EPHA5: variants seen among roughly 807,000 people sequenced by gnomAD.
The protein encoded by EPHA5 is ephrin type-A receptor 5.
EPHA5 carries 60 observed loss-of-function variants against 105.0 expected under a neutral mutation model. That is an observed-to-expected ratio of 0.57 (90% CI 0.46 to 0.71). EPHA5 has a LOEUF of 0.71. EPHA5 is among the 30% of genes least tolerant of loss of function. The probability of loss-of-function intolerance (pLI) is 0.00; values close to 1 mark genes in which losing one functional copy is unlikely to be tolerated. For synonymous variants in EPHA5, 513 were observed against 449.1 expected, an observed-to-expected ratio of 1.14 and a Z score of -1.80; for missense variants, 1,218 against 1,274.7, an observed-to-expected ratio of 0.96 and a Z score of 0.68.
intron 1 of EPHA5, among the ~76,000 whole-genome samples, chr4:65,645,717 G>T (rs184754495): frequency 6.6e-6 from 1 of 151,446 alleles, no homozygotes; most frequent in East Asian, 1.9e-4. Context: ...TCTCAATGTC[G>T]GAATACACTG....
At chr4:65,598,540 T>C (rs989507833) in intron 3 of EPHA5, among the ~76,000 whole-genome samples, 3 of 152,186 alleles carry the variant, frequency 2.0e-5, no homozygotes, top group African/African-American at 7.2e-5. Context: ...CATCAAGGTG[T>C]ATGTGGACTA....
intron 8 of EPHA5, among the ~76,000 whole-genome samples, chr4:65,390,676 A>G (rs1206644722): frequency 6.6e-6 from 1 of 152,074 alleles, no homozygotes; most frequent in African/African-American, 2.4e-5. Flanking sequence ...TATTTAAAAC[A>G]ACAGCAAGGA....
chr4:65,362,118 T>C (rs932821074), intron 11 of EPHA5, among the ~76,000 whole-genome samples: 7 of 151,626 alleles, frequency 4.6e-5, no homozygotes, highest in Admixed American at 4.0e-4. Context: ...TATCTATTTA[T>C]GATGGTTGCT....
At chr4:65,527,806 G>A (rs1484164856) in intron 3 of EPHA5, among the ~76,000 whole-genome samples, 1 of 151,984 alleles carries the variant, frequency 6.6e-6, no homozygotes, top group Non-Finnish European at 1.5e-5. Context: ...TAAGCCCGGT[G>A]TCCACTAATT....
intron 8 of EPHA5, among the ~76,000 whole-genome samples, chr4:65,384,826 C>T (rs1349059748): frequency 3.3e-5 from 5 of 151,860 alleles, no homozygotes; most frequent in Non-Finnish European, 7.4e-5. Flanking sequence ...TGTTGATATA[C>T]AACATACTGA....
At chr4:65,335,294 C>T (rs1721065341) in intron 15 of EPHA5, among the ~76,000 whole-genome samples, 1 of 151,874 alleles carries the variant, frequency 6.6e-6, no homozygotes, top group South Asian at 2.1e-4. Flanking sequence ...GCATGCTTTA[C>T]AAATATGAAA....
intron 3 of EPHA5, among the ~76,000 whole-genome samples, chr4:65,501,766 T>C (rs972357616): frequency 2.0e-5 from 3 of 151,364 alleles, no homozygotes; most frequent in Non-Finnish European, 4.4e-5. Context: ...AAAATTCATA[T>C]GGAAACAAAA....
chr4:65,578,021 G>C (rs949261657), intron 3 of EPHA5, among the ~76,000 whole-genome samples: 1 of 152,134 alleles, frequency 6.6e-6, no homozygotes, highest in Non-Finnish European at 1.5e-5. Context: ...GTGAATACAA[G>C]TTAATTATAA....
chr4:65,592,717 C>T lies in EPHA5; in HGVS notation c.910+8924G>A, dbSNP rs185687189. Among the ~76,000 whole-genome samples the T allele has an allele frequency of 8.6e-4, 131 of 152,216 alleles. 1 individual carries two copies. The highest frequency in any genetic ancestry group is 2.9e-3 in the African/African-American group (121 of 41,530). ...AAACACACATGAATTTCAAATGTTACAACACGTCTCAATCCTGGTTGCATA... is the reference window on the plus strand; with the variant it reads ...AAACACACATGAATTTCAAATGTTATAACACGTCTCAATCCTGGTTGCATA... On this transcript the variant is annotated intron_variant, in intron 3 of 16. Transcript: ENST00000613740.
At chr4:65,475,687 A>G (rs1176714564) in intron 5 of EPHA5, among the ~76,000 whole-genome samples, 3 of 152,210 alleles carry the variant, frequency 2.0e-5, no homozygotes, top group Non-Finnish European at 4.4e-5. Context: ...AGAATGATTG[A>G]ACAGTTCAAT....
intron 4 of EPHA5, among the ~76,000 whole-genome samples, chr4:65,492,327 G>A (rs1484997070): frequency 1.3e-5 from 2 of 151,436 alleles, no homozygotes; most frequent in Non-Finnish European, 2.9e-5. Context: ...TCAGCCTCCC[G>A]AGTAGCTGGA....
chr4:65,637,697 G>T (rs2149503493), intron 2 of EPHA5, among the ~76,000 whole-genome samples: 1 of 151,004 alleles, frequency 6.6e-6, no homozygotes, highest in Admixed American at 6.6e-5. Flanking sequence ...TTTACTGACT[G>T]CCAACACTGT....
At chr4:65,517,373 T>C (rs1734206279) in intron 3 of EPHA5, among the ~76,000 whole-genome samples, 1 of 151,878 alleles carries the variant, frequency 6.6e-6, no homozygotes, top group Non-Finnish European at 1.5e-5. Flanking sequence ...TTAAAATATG[T>C]TTCTTATAAA....
intron 11 of EPHA5, among the ~76,000 whole-genome samples, chr4:65,362,061 T>C (rs576131046): frequency 1.4e-4 from 22 of 151,760 alleles, no homozygotes; most frequent in African/African-American, 5.3e-4. Context: ...CCAAGAACTG[T>C]GGGCTTTTTT....
At chr4:65,334,934 A>T (rs1028271052) in intron 15 of EPHA5, among the ~76,000 whole-genome samples, 1 of 152,018 alleles carries the variant, frequency 6.6e-6, no homozygotes, top group Non-Finnish European at 1.5e-5. Flanking sequence ...AGGGAACAAC[A>T]TAAGGAATAA....
At chr4:65,511,833 A>G (rs1353409616) in intron 3 of EPHA5, among the ~76,000 whole-genome samples, 1 of 152,174 alleles carries the variant, frequency 6.6e-6, no homozygotes, top group Non-Finnish European at 1.5e-5. Context: ...AAGATAATTT[A>G]TTTCCAAATC....
chr4:65,358,627 A>G (rs2148873395), intron 11 of EPHA5, among the ~76,000 whole-genome samples: 2 of 151,764 alleles, frequency 1.3e-5, no homozygotes, highest in South Asian at 4.2e-4. Context: ...AAAACAAAAC[A>G]ACAAAGATAA....
chr4:65,618,445 T>A (rs1451023049), intron 2 of EPHA5, among the ~76,000 whole-genome samples: 1 of 152,192 alleles, frequency 6.6e-6, no homozygotes, highest in African/African-American at 2.4e-5. Flanking sequence ...TATTCATAGT[T>A]AAATTTCTGC....
intron 2 of EPHA5, among the ~76,000 whole-genome samples, chr4:65,605,979 A>C (rs1389010248): frequency 6.6e-6 from 1 of 152,136 alleles, no homozygotes; most frequent in African/African-American, 2.4e-5. Flanking sequence ...ACCAAAAAAA[A>C]AGGATTTACT....
Sources: allele counts gnomAD v4.1 joint callset (sites outside exome capture counted in the v4.1 genomes callset), GRCh38; gene constraint gnomAD v4.1.1; transcripts MANE v1.5; gene names NCBI Gene and HGNC (gene_info 2026-07-23, HGNC 2026-07-21).